The following HS6ST2 variants were observed in gnomAD, a reference collection of about 807,000 sequenced individuals.
The protein encoded by HS6ST2 is heparan sulfate 6-O-sulfotransferase 2, also known as heparan-sulfate 6-O-sulfotransferase 2.
In HS6ST2, 17 loss-of-function variants were observed where a neutral mutation model predicts 33.0. The ratio of observed to expected loss-of-function variants is 0.52; its 90% CI spans 0.35 to 0.77. The LOEUF (loss-of-function observed/expected upper bound fraction) is 0.77, where lower values mean the gene tolerates loss of function less well. Among genes scored for constraint, HS6ST2 ranks in the 30% least tolerant of loss-of-function variants. HS6ST2 has a pLI of 0.01. For missense variants in HS6ST2, 519 were observed against 551.7 expected, an observed-to-expected ratio of 0.94 and a Z score of 0.59; for synonymous variants, 248 against 237.1, an observed-to-expected ratio of 1.05 and a Z score of -0.42.
intron 2 of HS6ST2, among the ~76,000 whole-genome samples, chrX:132,934,817 G>A (rs1218468023): frequency 1.8e-5 from 2 of 111,380 alleles, no homozygotes; most frequent in African/African-American, 6.5e-5. Context: ...AAAAGGCACA[G>A]ACTGCCAGAA....
intron 4 of HS6ST2, among the ~76,000 whole-genome samples, chrX:132,638,355 A>G (rs2063577794): frequency 9.0e-6 from 1 of 111,451 alleles, no homozygotes; most frequent in Non-Finnish European, 1.9e-5. Context: ...AGCTCATATT[A>G]GTAGTCCCCA....
At chrX:132,785,642 T>C (rs184144647) in intron 2 of HS6ST2, among the ~76,000 whole-genome samples, 63 of 111,695 alleles carry the variant, frequency 5.6e-4, no homozygotes, top group Admixed American at 9.5e-4. Context: ...CAAAAATACC[T>C]TCTGCCAGCT....
At chrX:132,863,634 C>T (rs1035192734) in intron 2 of HS6ST2, among the ~76,000 whole-genome samples, 6 of 110,543 alleles carry the variant, frequency 5.4e-5, no homozygotes, top group Admixed American at 9.7e-5. Flanking sequence ...ATATTTGGTT[C>T]TTAAAATCAT....
intron 2 of HS6ST2, among the ~76,000 whole-genome samples, chrX:132,850,438 A>G (rs1409636731): frequency 2.7e-5 from 3 of 111,382 alleles, no homozygotes; most frequent in Admixed American, 1.9e-4. Flanking sequence ...GCAATATACC[A>G]GTACAAATCA....
intron 2 of HS6ST2, among the ~76,000 whole-genome samples, chrX:132,894,503 ATG>A (rs1342678703): frequency 9.4e-6 from 1 of 106,874 alleles, no homozygotes; most frequent in Admixed American, 1.0e-4. Context: ...ATGTTATGTT[ATG>A]TTATGTTATG....
intron 2 of HS6ST2, among the ~76,000 whole-genome samples, chrX:132,752,764 C>T (rs1287439541): frequency 8.9e-6 from 1 of 112,483 alleles, no homozygotes; most frequent in Admixed American, 9.4e-5. Flanking sequence ...TCCAGGCTGG[C>T]AGCTTCTTCG....
intron 2 of HS6ST2, among the ~76,000 whole-genome samples, chrX:132,889,363 T>G (rs2066283790): frequency 9.0e-6 from 1 of 111,301 alleles, no homozygotes; most frequent in Non-Finnish European, 1.9e-5. Flanking sequence ...GAGTCATCTG[T>G]TGAAATGACT....
intron 2 of HS6ST2, among the ~76,000 whole-genome samples, chrX:132,937,514 C>T (rs974683762): frequency 9.0e-6 from 1 of 111,328 alleles, no homozygotes; most frequent in Non-Finnish European, 1.9e-5. Context: ...ACCAATGGAA[C>T]AGAGTAGAGA....
In HS6ST2 at chrX:132,935,849, G is replaced by A. The variant is rs2066817596; in HGVS notation, c.947+20959C>T. Reference sequence around the variant, plus strand: ...CATATCAAAGCTTATGGGATGAAGCGATTTGAAATATTTTCTTTTTGAAAA... The same window carrying A: ...CATATCAAAGCTTATGGGATGAAGCAATTTGAAATATTTTCTTTTTGAAAA... On this transcript the variant is annotated intron_variant, in intron 2 of 4. Coordinates refer to ENST00000370833, the MANE Select transcript of HS6ST2 (RefSeq NM_001394073.1). 2.7e-5 allele frequency among the ~76,000 whole-genome samples: 3 copies of A among 109,671 alleles called. No homozygotes were observed. In the Admixed American group the frequency reaches 3.0e-4, roughly 11 times the overall value.
chrX:132,726,197 C>T (rs2064390441), intron 2 of HS6ST2, among the ~76,000 whole-genome samples: 1 of 111,453 alleles, frequency 9.0e-6, no homozygotes, highest in Non-Finnish European at 1.9e-5. Flanking sequence ...AGGATAAATA[C>T]TTGAGGGGAT....
chrX:132,795,911 A>G (rs1489286813), intron 2 of HS6ST2, among the ~76,000 whole-genome samples: 1 of 111,819 alleles, frequency 8.9e-6, no homozygotes, highest in Admixed American at 9.5e-5. Context: ...ACCCAGCCTC[A>G]GACAGAACTT....
intron 2 of HS6ST2, among the ~76,000 whole-genome samples, chrX:132,855,081 C>G (rs1478168482): frequency 8.9e-6 from 1 of 112,239 alleles, no homozygotes; most frequent in East Asian, 2.8e-4. Flanking sequence ...AAAAGTTCAA[C>G]CCCCGTAGCC....
chrX:132,761,692 T>A (rs1025149030), intron 2 of HS6ST2, among the ~76,000 whole-genome samples: 69 of 112,122 alleles, frequency 6.2e-4, no homozygotes, highest in African/African-American at 2.2e-3. Context: ...AGGTCCCAAA[T>A]GGCAATACCG....
chrX:132,806,702 C>G (rs1316850692), intron 2 of HS6ST2, among the ~76,000 whole-genome samples: 1 of 109,436 alleles, frequency 9.1e-6, no homozygotes, highest in African/African-American at 3.3e-5. Context: ...TATAATTTCC[C>G]TATGCCACGA....
upstream of HS6ST2, among the ~76,000 whole-genome samples, chrX:132,960,651 C>G (rs1440040485): frequency 1.8e-5 from 2 of 111,196 alleles, no homozygotes; most frequent in Non-Finnish European, 3.8e-5. Context: ...ACAGTCCAAC[C>G]TTCAGAGAAA....
chrX:132,685,166 A>G (rs1349868283), intron 3 of HS6ST2, among the ~76,000 whole-genome samples: 9 of 111,696 alleles, frequency 8.1e-5, no homozygotes, highest in African/African-American at 2.9e-4. Context: ...ATTAAAACCC[A>G]TATTAATTAA....
chrX:132,637,922 A>C (rs1367317790), intron 4 of HS6ST2, among the ~76,000 whole-genome samples: 1 of 51,199 alleles, frequency 2.0e-5, no homozygotes, highest in Non-Finnish European at 2.8e-5. Flanking sequence ...AATATTTTAT[A>C]TATATATTAT....
intron 2 of HS6ST2, among the ~76,000 whole-genome samples, chrX:132,803,543 G>A (rs2065255238): frequency 9.0e-6 from 1 of 111,311 alleles, no homozygotes; most frequent in African/African-American, 3.3e-5. Context: ...TGAGTAACTG[G>A]GATTACAGGT....
intron 2 of HS6ST2, among the ~76,000 whole-genome samples, chrX:132,845,470 T>C (rs1362878409): frequency 9.0e-6 from 1 of 111,385 alleles, no homozygotes; most frequent in Non-Finnish European, 1.9e-5. Context: ...ATTAAATATA[T>C]ACAAAAAGCT....
Sources: allele counts gnomAD v4.1 joint callset (sites outside exome capture counted in the v4.1 genomes callset), GRCh38; gene constraint gnomAD v4.1.1; transcripts MANE v1.5; gene names NCBI Gene and HGNC (gene_info 2026-07-23, HGNC 2026-07-21).